Variants in MAGI2 observed in about 807,000 individuals in gnomAD.
MAGI2 encodes the protein membrane associated guanylate kinase, WW and PDZ domain containing 2.
MAGI2 carries 35 observed loss-of-function variants against 133.3 expected under a neutral mutation model. The ratio of observed to expected loss-of-function variants is 0.26; its 90% CI spans 0.20 to 0.35. The LOEUF is 0.35. Ranked by LOEUF, MAGI2 falls within the 10% of genes least tolerant of loss-of-function variation. The pLI is 1.00. For missense variants in MAGI2, 1,636 were observed against 1,863.4 expected, an observed-to-expected ratio of 0.88 and a Z score of 2.25; for synonymous variants, 729 against 710.6, an observed-to-expected ratio of 1.03 and a Z score of -0.41.
intron 7 of MAGI2, among the ~76,000 whole-genome samples, chr7:78,365,343 G>A (rs1793269459): frequency 6.6e-6 from 1 of 152,030 alleles, no homozygotes; most frequent in Non-Finnish European, 1.5e-5. Flanking sequence ...TCTTCTCCAG[G>A]GATGGGTCCC....
chr7:78,981,615 C>T (rs934779430), intron 2 of MAGI2, among the ~76,000 whole-genome samples: 4 of 151,690 alleles, frequency 2.6e-5, no homozygotes, highest in Non-Finnish European at 5.9e-5. Flanking sequence ...CCATTTGTTG[C>T]ATCCGACTTT....
intron 1 of MAGI2, among the ~76,000 whole-genome samples, chr7:79,240,837 T>C (rs191949222): frequency 4.6e-4 from 70 of 152,300 alleles, no homozygotes; most frequent in African/African-American, 1.6e-3. Context: ...AAAACTCTCG[T>C]TGAATTCTCT....
chr7:78,435,735 A>T (rs1800222642), intron 6 of MAGI2, among the ~76,000 whole-genome samples: 1 of 152,152 alleles, frequency 6.6e-6, no homozygotes, highest in South Asian at 2.1e-4. Flanking sequence ...ATCCCCGGAC[A>T]CATTAGGTAC....
chr7:79,156,794 C>T (rs1823821458), intron 1 of MAGI2, among the ~76,000 whole-genome samples: 1 of 152,044 alleles, frequency 6.6e-6, no homozygotes, highest in Non-Finnish European at 1.5e-5. Flanking sequence ...GAATAAATAT[C>T]TTCAAATATT....
intron 1 of MAGI2, among the ~76,000 whole-genome samples, chr7:79,308,899 A>C (rs1838033337): frequency 6.6e-6 from 1 of 152,200 alleles, no homozygotes; most frequent in Non-Finnish European, 1.5e-5. Flanking sequence ...ATTTATGAGA[A>C]TTTCCTAGAA....
At chr7:78,340,288 G>A (rs1260750147) in intron 9 of MAGI2, among the ~76,000 whole-genome samples, 1 of 151,738 alleles carries the variant, frequency 6.6e-6, no homozygotes, top group Non-Finnish European at 1.5e-5. Context: ...ACTATACCAA[G>A]AAAAATTTCT....
chr7:79,266,659 T>C (rs766093790), intron 1 of MAGI2, among the ~76,000 whole-genome samples: 1 of 152,186 alleles, frequency 6.6e-6, no homozygotes, highest in East Asian at 1.9e-4. Flanking sequence ...CATGGCAACA[T>C]TTTTCTTAAT....
intron 2 of MAGI2, among the ~76,000 whole-genome samples, chr7:78,995,555 G>A (rs1806210969): frequency 6.6e-6 from 1 of 151,936 alleles, no homozygotes; most frequent in Non-Finnish European, 1.5e-5. Context: ...AAACTTCCCT[G>A]ATAATTATCC....
intron 3 of MAGI2, among the ~76,000 whole-genome samples, chr7:78,622,766 C>T (rs183604622): frequency 6.6e-6 from 1 of 152,092 alleles, no homozygotes; most frequent in African/African-American, 2.4e-5. Flanking sequence ...AGAACATTCC[C>T]TAAGTGTTTA....
At chr7:78,773,335 A>C (rs1037926180) in intron 2 of MAGI2, among the ~76,000 whole-genome samples, 1 of 152,230 alleles carries the variant, frequency 6.6e-6, no homozygotes, top group Non-Finnish European at 1.5e-5. Context: ...CCCAAAAAAA[A>C]AAAGATTGAT....
At chr7:79,319,145 T>C (rs948309786) in intron 1 of MAGI2, among the ~76,000 whole-genome samples, 1 of 152,170 alleles carries the variant, frequency 6.6e-6, no homozygotes, top group Non-Finnish European at 1.5e-5. Context: ...CTGACTTTCC[T>C]GCATTTGACT....
chr7:79,332,373 C>A (rs552887339), intron 1 of MAGI2, among the ~76,000 whole-genome samples: 1 of 152,260 alleles, frequency 6.6e-6, no homozygotes, highest in South Asian at 2.1e-4. Flanking sequence ...TTCCTTTATC[C>A]CTGGTAGCTC....
At chr7:78,524,730 C>T (rs903939101) in intron 3 of MAGI2, among the ~76,000 whole-genome samples, 2 of 151,558 alleles carry the variant, frequency 1.3e-5, no homozygotes, top group African/African-American at 4.9e-5. Flanking sequence ...TATCAATGAA[C>T]TTTTATATTT....
rs185532911 is a variant in MAGI2, at chr7:79,272,304, G to C, written c.301+180716C>G. Among the ~76,000 whole-genome samples, 704 of 151,982 alleles carry C rather than the reference G, an allele frequency of 4.6e-3. 7 individuals carry two copies. Among genetic ancestry groups the C allele is most frequent in the African/African-American group, 0.016 (672 of 41,454 alleles). ...CAGTAATTTCTGTGTTAAACCATGC[G>C]GCAACTAAATGGCACAGTCTTTAGT... On this transcript the variant is annotated intron_variant, in intron 1 of 21. Coordinates refer to ENST00000354212, the MANE Select transcript of MAGI2 (RefSeq NM_012301.4).
At chr7:79,392,064 T>C (rs913854258) in intron 1 of MAGI2, among the ~76,000 whole-genome samples, 3 of 152,146 alleles carry the variant, frequency 2.0e-5, no homozygotes, top group African/African-American at 7.2e-5. Flanking sequence ...TGTTTCCATG[T>C]GTTTTCATTG....
chr7:79,297,476 G>A (rs187779545), intron 1 of MAGI2, among the ~76,000 whole-genome samples: 50 of 152,156 alleles, frequency 3.3e-4, no homozygotes, highest in African/African-American at 1.1e-3. Flanking sequence ...TTGACTAAGA[G>A]CCTCAGTTAA....
At chr7:78,190,822 A>G (rs1828135051) in intron 12 of MAGI2, among the ~76,000 whole-genome samples, 1 of 152,220 alleles carries the variant, frequency 6.6e-6, no homozygotes, top group African/African-American at 2.4e-5. Context: ...TGACTGTAAA[A>G]CAAATTCAAG....
intron 2 of MAGI2, among the ~76,000 whole-genome samples, chr7:78,715,216 A>G (rs540040663): frequency 2.1e-4 from 32 of 152,250 alleles, no homozygotes; most frequent in African/African-American, 7.0e-4. Flanking sequence ...CGGTTCCAGT[A>G]AGGATGAAAT....
chr7:78,561,909 C>A (rs1314854890), intron 3 of MAGI2, among the ~76,000 whole-genome samples: 4 of 152,190 alleles, frequency 2.6e-5, no homozygotes, highest in South Asian at 2.1e-4. Flanking sequence ...GGATTTGGGG[C>A]AGCTGATAGA....
Sources: gnomAD v4.1 joint callset for allele counts (sites outside exome capture counted in the v4.1 genomes callset) on GRCh38, gnomAD v4.1.1 for gene constraint, MANE v1.5 for transcripts, NCBI Gene and HGNC (gene_info 2026-07-23, HGNC 2026-07-21) for gene names.